Variants in PCDH7 observed in about 807,000 individuals in gnomAD.
PCDH7 encodes the protein protocadherin-7.
Under a neutral mutation model 58.9 loss-of-function variants are expected in PCDH7, and 17 were observed. The ratio of observed to expected loss-of-function variants is 0.29; its 90% confidence interval spans 0.20 to 0.43. The LOEUF (loss-of-function observed/expected upper bound fraction) is 0.43. PCDH7 is among the 20% of genes least tolerant of loss of function. The probability of loss-of-function intolerance (pLI) is 1.00; values close to 1 mark genes in which losing one functional copy is unlikely to be tolerated. For synonymous variants in PCDH7, 664 were observed against 616.4 expected, an observed-to-expected ratio of 1.08 and a Z score of -1.14; for missense variants, 1,274 against 1,441.0, an observed-to-expected ratio of 0.88 and a Z score of 1.88.
intron 1 of PCDH7, among the ~76,000 whole-genome samples, chr4:30,793,320 TCATTTGAGATTAA>T (rs886422039): frequency 1.3e-5 from 2 of 152,318 alleles, no homozygotes; most frequent in African/African-American, 4.8e-5. Context: ...TGTGCTCTTG[TCATTTGAGATTAA>T]CATTTGGATT....
chr4:30,727,534 T>C (rs1429133910), intron 1 of PCDH7, among the ~76,000 whole-genome samples: 1 of 151,978 alleles, frequency 6.6e-6, no homozygotes, highest in Non-Finnish European at 1.5e-5. Flanking sequence ...TCATAGTTCA[T>C]ACCTTTGCAT....
At chr4:30,856,083 T>C (rs1733420742) in intron 1 of PCDH7, among the ~76,000 whole-genome samples, 1 of 152,020 alleles carries the variant, frequency 6.6e-6, no homozygotes. Flanking sequence ...TTTTAGAAAA[T>C]ACAGTGAGTT....
chr4:30,958,812 C>T (rs913614070), intron 3 of PCDH7, among the ~76,000 whole-genome samples: 1 of 151,712 alleles, frequency 6.6e-6, no homozygotes, highest in East Asian at 1.9e-4. Context: ...CCAGAAAAAA[C>T]AAAATCAAAT....
chr4:31,105,968 C>G (rs776232491), intron 3 of PCDH7, among the ~76,000 whole-genome samples: 4 of 151,180 alleles, frequency 2.6e-5, no homozygotes, highest in Non-Finnish European at 4.4e-5. Context: ...AATCGCGCCA[C>G]TGCACTCCAG....
intron 3 of PCDH7, among the ~76,000 whole-genome samples, chr4:30,982,121 A>T (rs761168178): frequency 2.0e-5 from 3 of 152,224 alleles, no homozygotes; most frequent in African/African-American, 4.8e-5. Flanking sequence ...TAGTTAGCTC[A>T]ATTGAGCCAT....
intron 3 of PCDH7, among the ~76,000 whole-genome samples, chr4:31,058,803 G>T (rs981014370): frequency 9.9e-5 from 15 of 151,996 alleles, no homozygotes; most frequent in African/African-American, 3.6e-4. Flanking sequence ...TTTTGAGTGG[G>T]TGATTCCAGA....
chr4:31,031,144 G>C (rs984227379), intron 3 of PCDH7, among the ~76,000 whole-genome samples: 1 of 152,168 alleles, frequency 6.6e-6, no homozygotes, highest in Admixed American at 6.5e-5. Context: ...GAAGAGGAAA[G>C]ATGGTTAAGA....
intron 3 of PCDH7, among the ~76,000 whole-genome samples, chr4:31,118,953 G>A (rs976493960): frequency 3.3e-5 from 5 of 151,992 alleles, no homozygotes; most frequent in Admixed American, 1.3e-4. Flanking sequence ...CCTCTAGGGC[G>A]CTACTAAAAA....
At chr4:31,053,342 A>G (rs369935079) in intron 3 of PCDH7, among the ~76,000 whole-genome samples, 3 of 152,048 alleles carry the variant, frequency 2.0e-5, no homozygotes, top group African/African-American at 7.2e-5. Flanking sequence ...TAACTTAGTT[A>G]TTTTTCTTGC....
intron 2 of PCDH7, among the ~76,000 whole-genome samples, chr4:30,945,206 T>G (rs1746526974): frequency 6.6e-6 from 1 of 152,050 alleles, no homozygotes; most frequent in South Asian, 2.1e-4. Context: ...TTTAAGAAAT[T>G]TTAAACATAT....
At chr4:31,078,814 T>G (rs1759231480) in intron 3 of PCDH7, among the ~76,000 whole-genome samples, 1 of 151,986 alleles carries the variant, frequency 6.6e-6, no homozygotes, top group South Asian at 2.1e-4. Flanking sequence ...ATGTCAAAAT[T>G]TATTTTAAAG....
intron 1 of PCDH7, among the ~76,000 whole-genome samples, chr4:30,739,715 A>G (rs1368222153): frequency 6.6e-6 from 1 of 152,208 alleles, no homozygotes; most frequent in Non-Finnish European, 1.5e-5. Context: ...ATATGCATAT[A>G]TACATATACA....
intron 1 of PCDH7, among the ~76,000 whole-genome samples, chr4:30,841,499 C>G (rs73812631): frequency 0.014 from 2,175 of 152,210 alleles, 47 homozygotes; most frequent in African/African-American, 0.05. Context: ...TTAGTTTAAT[C>G]TATCTAAAGC....
At chr4:30,734,777 G>A (rs1363419743), downstream of PCDH7, among the ~76,000 whole-genome samples, 2 of 152,106 alleles carry the variant, frequency 1.3e-5, no homozygotes, top group Non-Finnish European at 2.9e-5. Context: ...ATAAACAAAG[G>A]GCCTAGGCTT....
chr4:30,771,560 C>T lies in PCDH7; in HGVS notation c.70+46964C>T, dbSNP rs1721403321. 2.6e-5 allele frequency among the ~76,000 whole-genome samples: 4 copies of T among 152,130 alleles called. No homozygotes were observed. The South Asian group carries it at 8.3e-4, about 32-fold the overall frequency. ...TCTATTCTCCTCCTGGAGCTCTTTGCTGCTCACAGAAAAGAAAAGTACACA... is the reference window on the plus strand; with the variant it reads ...TCTATTCTCCTCCTGGAGCTCTTTGTTGCTCACAGAAAAGAAAAGTACACA... On this transcript the variant is annotated intron_variant, in intron 1 of 3. Transcript: ENST00000509759.
At chr4:30,964,238 A>AT (rs200214723) in intron 3 of PCDH7, among the ~76,000 whole-genome samples, 20,943 of 87,656 alleles carry the variant, frequency 0.24, 1,688 homozygotes, top group African/African-American at 0.31. Flanking sequence ...TTATTTATTT[A>AT]TTTATTTATT....
At chr4:30,945,268 T>C (rs992310050) in intron 2 of PCDH7, among the ~76,000 whole-genome samples, 1 of 152,086 alleles carries the variant, frequency 6.6e-6, no homozygotes, top group African/African-American at 2.4e-5. Context: ...TGTGCATGTA[T>C]ATTATCTCAA....
At chr4:30,798,245 G>A (rs918537449) in intron 1 of PCDH7, among the ~76,000 whole-genome samples, 1 of 152,188 alleles carries the variant, frequency 6.6e-6, no homozygotes, top group East Asian at 1.9e-4. Flanking sequence ...TTACAGACAG[G>A]GGAGTGGATG....
chr4:31,081,774 C>CT (rs200658213), intron 3 of PCDH7, among the ~76,000 whole-genome samples: 17,359 of 141,954 alleles, frequency 0.12, 1,209 homozygotes, highest in East Asian at 0.25. Flanking sequence ...TTTTTAATTT[C>CT]TTTTTTTTTT....
Sources: allele counts gnomAD v4.1 joint callset (sites outside exome capture counted in the v4.1 genomes callset), GRCh38; gene constraint gnomAD v4.1.1; transcripts MANE v1.5; gene names NCBI Gene and HGNC (gene_info 2026-07-23, HGNC 2026-07-21).